FRMD6: variants seen among roughly 807,000 people sequenced by gnomAD.
FRMD6 encodes the protein FERM domain-containing protein 6.
A neutral mutation model predicts 73.2 loss-of-function variants in FRMD6; 37 were observed. That is an observed-to-expected ratio of 0.51 (90% CI 0.39 to 0.66). The LOEUF (loss-of-function observed/expected upper bound fraction) is 0.66. Ranked by LOEUF, FRMD6 falls within the 30% of genes least tolerant of loss-of-function variation. The pLI is 0.00. For missense variants in FRMD6, 714 were observed against 780.5 expected, an observed-to-expected ratio of 0.91 and a Z score of 1.02; for synonymous variants, 273 against 282.2, an observed-to-expected ratio of 0.97 and a Z score of 0.33.
chr14:51,706,342 C>T (rs1021642071), intron 6 of FRMD6, among the ~76,000 whole-genome samples: 5 of 152,106 alleles, frequency 3.3e-5, no homozygotes, highest in African/African-American at 7.2e-5. Context: ...GTCCCTGCTT[C>T]GGTCTTTACT....
chr14:51,529,889 T>C (rs926923036), intron 1 of FRMD6, among the ~76,000 whole-genome samples: 2 of 152,230 alleles, frequency 1.3e-5, no homozygotes, highest in Non-Finnish European at 2.9e-5. Flanking sequence ...AGTTAGTTTG[T>C]ATGGCTTGTG....
intron 6 of FRMD6, among the ~76,000 whole-genome samples, chr14:51,705,361 C>A (rs951963510): frequency 6.6e-6 from 1 of 152,102 alleles, no homozygotes; most frequent in African/African-American, 2.4e-5. Context: ...CCTCCACTCT[C>A]GGGGAGGAAC....
At position 51,730,704 on chromosome 14, in the gene FRMD6, TA is replaced by T. The variant is rs1379441092; in HGVS notation, c.*2678del. On this transcript the variant is annotated 3_prime_UTR_variant, in exon 14 of 14. Coordinates refer to ENST00000344768, the MANE Select transcript of FRMD6 (RefSeq NM_001267046.2). ...ATTTCATGGTAAGATTAGCAGTCAA[TA>T]AAGTTACTTTTTTGCCTTTAAATTG... 1 of 152,238 alleles carries T rather than the reference TA, an allele frequency of 6.6e-6. No individual in the cohort carries two copies. The highest frequency in any genetic ancestry group is 1.9e-4 in the East Asian group (1 of 5,208). 9.4% of individuals were successfully genotyped at this position (152,238 alleles called of 1,614,324 possible).
chr14:51,525,747 C>T (rs1440726003), intron 1 of FRMD6, among the ~76,000 whole-genome samples: 1 of 152,128 alleles, frequency 6.6e-6, no homozygotes, highest in Non-Finnish European at 1.5e-5. Flanking sequence ...TCTTCCATTT[C>T]TTCTGGAACA....
intron 1 of FRMD6, among the ~76,000 whole-genome samples, chr14:51,497,724 G>A (rs1883386940): frequency 6.6e-6 from 1 of 152,140 alleles, no homozygotes; most frequent in Admixed American, 6.5e-5. Flanking sequence ...TTGAAACCCA[G>A]CATGTATTTT....
chr14:51,446,262 G>A, the FRMD6 span, among the ~76,000 whole-genome samples: 2 of 152,296 alleles, frequency 1.3e-5, no homozygotes, highest in Admixed American at 6.5e-5. Context: ...GAGTGACCGC[G>A]ATGGTTTTCC....
At chr14:51,586,568 T>G (rs1224464681) in intron 2 of FRMD6, among the ~76,000 whole-genome samples, 1 of 152,124 alleles carries the variant, frequency 6.6e-6, no homozygotes, top group East Asian at 1.9e-4. Flanking sequence ...TGCAGAAGCC[T>G]TTTAATTTAA....
At chr14:51,710,601 G>C (rs1896888874) in intron 7 of FRMD6, among the ~76,000 whole-genome samples, 1 of 152,106 alleles carries the variant, frequency 6.6e-6, no homozygotes, top group Admixed American at 6.6e-5. Flanking sequence ...AATAGGCTGT[G>C]TCTTATATTT....
intron 2 of FRMD6, among the ~76,000 whole-genome samples, chr14:51,644,389 TCA>T (rs1208588608): frequency 4.4e-5 from 3 of 68,284 alleles, no homozygotes; most frequent in East Asian, 2.6e-4. Context: ...ACACACACAC[TCA>T]CTCACTCTCT....
chr14:51,467,975 C>T, the FRMD6 span, among the ~76,000 whole-genome samples: 2 of 152,166 alleles, frequency 1.3e-5, no homozygotes, highest in Admixed American at 6.5e-5. Context: ...GCCGAGATCA[C>T]GCCACTGCAC....
chr14:51,542,381 A>G (rs954709465), intron 1 of FRMD6, among the ~76,000 whole-genome samples: 7 of 152,170 alleles, frequency 4.6e-5, no homozygotes, highest in African/African-American at 1.2e-4. Context: ...GAATCATATA[A>G]TGTGTGGCCT....
intron 1 of FRMD6, among the ~76,000 whole-genome samples, chr14:51,653,238 G>A (rs112986382): frequency 0.037 from 5,705 of 152,236 alleles, 121 homozygotes; most frequent in Middle Eastern, 0.071. Flanking sequence ...CTGGGACCGG[G>A]CAATGTTTGT....
At chr14:51,659,531 G>T (rs1280352513) in intron 1 of FRMD6, among the ~76,000 whole-genome samples, 1 of 152,180 alleles carries the variant, frequency 6.6e-6, no homozygotes, top group East Asian at 1.9e-4. Flanking sequence ...CAGCTGGCCT[G>T]TTGCACTGAT....
At chr14:51,697,413 A>C (rs2140418335) in intron 2 of FRMD6, among the ~76,000 whole-genome samples, 1 of 152,314 alleles carries the variant, frequency 6.6e-6, no homozygotes, top group Non-Finnish European at 1.5e-5. Context: ...AGCCAGGCAC[A>C]GAAAGACAAA....
intron 1 of FRMD6, among the ~76,000 whole-genome samples, chr14:51,529,566 TC>T (rs1885462652): frequency 6.6e-6 from 1 of 152,178 alleles, no homozygotes; most frequent in Non-Finnish European, 1.5e-5. Context: ...TTCTTATATA[TC>T]CAGTAGCAAT....
rs1209944031 is a variant in FRMD6 at position 51,715,311 on chromosome 14, G to T, written c.850-14G>T. The T allele has an allele frequency of 6.7e-7, 1 of 1,491,774 alleles. No homozygotes were observed. The highest frequency in any genetic ancestry group is 1.4e-5 in the South Asian group (1 of 72,186). 92.4% of individuals were successfully genotyped at this position (1,491,774 alleles called of 1,614,324 possible). On this transcript the variant is annotated splice_polypyrimidine_tract_variant and intron_variant, in intron 9 of 13. Transcript: ENST00000344768. ...TTTTTCTTCCTGAATTTGATTCATG[G>T]TTTCCTTCCAAAGGGTAAGAAATTT...
intron 1 of FRMD6, among the ~76,000 whole-genome samples, chr14:51,559,162 T>G (rs1215493863): frequency 6.6e-6 from 1 of 152,252 alleles, no homozygotes; most frequent in Non-Finnish European, 1.5e-5. Flanking sequence ...TAGGCCTTCA[T>G]TTGATTTGGT....
chr14:51,546,482 A>C (rs182428841), intron 1 of FRMD6: 1 of 147,088 alleles, frequency 6.8e-6, no homozygotes, highest in African/African-American at 2.5e-5. Flanking sequence ...ATCTGATGCC[A>C]GTTTGGGAGA....
At chr14:51,557,409 G>T (rs111724685) in intron 1 of FRMD6, among the ~76,000 whole-genome samples, 28 of 152,216 alleles carry the variant, frequency 1.8e-4, no homozygotes, top group African/African-American at 6.3e-4. Flanking sequence ...GCCAAATACA[G>T]CATGATCTCA....
Sources: gnomAD v4.1 joint callset for allele counts (sites outside exome capture counted in the v4.1 genomes callset) on GRCh38, gnomAD v4.1.1 for gene constraint, MANE v1.5 for transcripts, NCBI Gene and HGNC (gene_info 2026-07-23, HGNC 2026-07-21) for gene names.